CNBD1: variants seen among roughly 807,000 people sequenced by gnomAD.
CNBD1 encodes cyclic nucleotide-binding domain-containing protein 1.
A neutral mutation model predicts 54.4 loss-of-function variants in CNBD1; 71 were observed. The ratio of observed to expected loss-of-function variants is 1.30; its 90% confidence interval spans 1.08 to 1.59. The LOEUF (loss-of-function observed/expected upper bound fraction) is 1.59. Ranked by LOEUF, CNBD1 falls within the 40% of genes most tolerant of loss-of-function variation. The pLI is 0.00. For missense variants in CNBD1, 659 were observed against 518.0 expected (o/e 1.27, Z -2.64); for synonymous variants, 182 against 170.7 (o/e 1.07, Z -0.51).
intron 4 of CNBD1, among the ~76,000 whole-genome samples, chr8:87,032,294 A>G (rs898087612): frequency 3.9e-5 from 6 of 152,164 alleles, no homozygotes; most frequent in Non-Finnish European, 8.8e-5. Context: ...ACTCCCCTCA[A>G]ACTTAATTAC....
chr8:87,254,799 A>G (rs1388743397), intron 6 of CNBD1, among the ~76,000 whole-genome samples: 1 of 152,138 alleles, frequency 6.6e-6, no homozygotes, highest in Non-Finnish European at 1.5e-5. Context: ...CACTCCTTTT[A>G]TTTAGCGTTA....
chr8:87,002,335 G>A (rs1809009942), intron 4 of CNBD1, among the ~76,000 whole-genome samples: 1 of 152,122 alleles, frequency 6.6e-6, no homozygotes, highest in African/African-American at 2.4e-5. Flanking sequence ...TCGCATAGTG[G>A]CCAGGGTGGT....
At chr8:86,995,249 G>A (rs1586187030) in intron 4 of CNBD1, among the ~76,000 whole-genome samples, 1 of 152,204 alleles carries the variant, frequency 6.6e-6, no homozygotes, top group South Asian at 2.1e-4. Context: ...AGAATGGGAA[G>A]TTCTACAGTG....
intron 2 of CNBD1, among the ~76,000 whole-genome samples, chr8:87,423,801 A>G (rs1168976017): frequency 1.3e-5 from 2 of 152,106 alleles, no homozygotes; most frequent in African/African-American, 4.8e-5. Flanking sequence ...AAAATGAGTT[A>G]GGGAGGATTC....
intron 8 of CNBD1, among the ~76,000 whole-genome samples, chr8:87,342,746 G>C (rs111364310): frequency 6.6e-6 from 1 of 152,094 alleles, no homozygotes. Context: ...GGGGGCACAC[G>C]AACAGGGAGT....
chr8:87,357,341 C>T (rs1285703289), intron 10 of CNBD1, among the ~76,000 whole-genome samples: 1 of 152,244 alleles, frequency 6.6e-6, no homozygotes, highest in African/African-American at 2.4e-5. Flanking sequence ...AAGCTACAGG[C>T]GTTTAACTCC....
At chr8:86,941,581 T>C (rs1046460753) in intron 4 of CNBD1, among the ~76,000 whole-genome samples, 7 of 152,160 alleles carry the variant, frequency 4.6e-5, no homozygotes, top group Non-Finnish European at 8.8e-5. Flanking sequence ...ATCTGAGATG[T>C]GGGAGGTCAG....
rs576593785 is a variant in CNBD1 at position 87,379,376 on chromosome 8, C to T, written c.1304-3244C>T. On this transcript the variant is annotated intron_variant, in intron 10 of 10. Coordinates refer to ENST00000518476, the MANE Select transcript of CNBD1 (RefSeq NM_173538.3). ...GAATTGAACTCAGCTCTGCACCAAG[C>T]GGACCTAGTAGACATCTACAGAACT... is the stretch of plus-strand genomic sequence containing the variant. Among the ~76,000 whole-genome samples the T allele has an allele frequency of 3.0e-4, 45 of 151,892 alleles. No individual in the cohort carries two copies. The South Asian group carries it at 6.8e-3, about 23-fold the overall frequency.
chr8:86,915,639 A>G (rs371415264), intron 3 of CNBD1, among the ~76,000 whole-genome samples: 1 of 152,200 alleles, frequency 6.6e-6, no homozygotes, highest in South Asian at 2.1e-4. Flanking sequence ...AATTTTTGCA[A>G]TGGTGGTTTC....
intron 8 of CNBD1, among the ~76,000 whole-genome samples, chr8:87,347,190 G>T (rs965991516): frequency 6.6e-6 from 1 of 152,078 alleles, no homozygotes; most frequent in African/African-American, 2.4e-5. Context: ...AAATTCTGTT[G>T]CTGTTCTGCC....
chr8:87,308,223 T>C (rs1809196853), intron 8 of CNBD1, among the ~76,000 whole-genome samples: 1 of 152,186 alleles, frequency 6.6e-6, no homozygotes, highest in African/African-American at 2.4e-5. Context: ...GTTCAGTTAT[T>C]GCTTGGTAAC....
intron 8 of CNBD1, among the ~76,000 whole-genome samples, chr8:87,320,936 C>A (rs186003515): frequency 6.6e-6 from 1 of 152,222 alleles, no homozygotes; most frequent in Non-Finnish European, 1.5e-5. Flanking sequence ...ATTTTAGACA[C>A]CTCATATTAG....
At chr8:87,033,975 A>G (rs867344274) in intron 4 of CNBD1, among the ~76,000 whole-genome samples, 2 of 152,118 alleles carry the variant, frequency 1.3e-5, no homozygotes, top group Admixed American at 1.3e-4. Flanking sequence ...TGCTTTTCTT[A>G]TGGCTGTCCT....
At position 87,325,102 on chromosome 8, in the gene CNBD1, G is replaced by T. The variant is rs1172410143; in HGVS notation, c.1043-26583G>T. Among the ~76,000 whole-genome samples, 11 of 97,154 alleles carry T rather than the reference G, an allele frequency of 1.1e-4. 3 individuals carry two copies. The highest frequency in any genetic ancestry group is 8.1e-4 in the Admixed American group (9 of 11,118). 63.7% of individuals were successfully genotyped at this position (97,154 alleles called of 152,430 possible). A position where few individuals can be genotyped will look rare whatever the true frequency, so the allele number is the denominator to read the frequency against. ...GAGCAGGTTGTTCAGTTTCCATGTA[G>T]TTGGGCGGCTTTGAGTGAGATTCTT... On this transcript the variant is annotated intron_variant, in intron 8 of 10. Transcript: ENST00000518476.
chr8:86,991,959 T>C (rs1808759257), intron 4 of CNBD1, among the ~76,000 whole-genome samples: 1 of 152,194 alleles, frequency 6.6e-6, no homozygotes, highest in South Asian at 2.1e-4. Flanking sequence ...ATGTGTTCTG[T>C]GTGCAGATGA....
intron 4 of CNBD1, among the ~76,000 whole-genome samples, chr8:87,077,489 C>G (rs1810898309): frequency 6.7e-6 from 1 of 149,076 alleles, no homozygotes; most frequent in South Asian, 2.1e-4. Context: ...TATACATGTA[C>G]CATGTTGGTT....
At chr8:86,879,743 G>A (rs1808575945) in intron 1 of CNBD1, among the ~76,000 whole-genome samples, 2 of 152,064 alleles carry the variant, frequency 1.3e-5, no homozygotes, top group African/African-American at 4.8e-5. Context: ...ATGGTGGCGG[G>A]CGCCTGTAGT....
intron 6 of CNBD1, among the ~76,000 whole-genome samples, chr8:87,276,266 T>C (rs1428939306): frequency 6.6e-6 from 1 of 151,878 alleles, no homozygotes; most frequent in Admixed American, 6.6e-5. Flanking sequence ...TTTATTAAGA[T>C]GCTGTCATCT....
intron 5 of CNBD1, among the ~76,000 whole-genome samples, chr8:87,220,310 A>G (rs551283522): frequency 6.6e-5 from 10 of 151,266 alleles, no homozygotes; most frequent in Non-Finnish European, 1.0e-4. Context: ...TGCCTTACCA[A>G]TAGTCCTCTG....
Sources: allele counts gnomAD v4.1 joint callset (sites outside exome capture counted in the v4.1 genomes callset), GRCh38; gene constraint gnomAD v4.1.1; transcripts MANE v1.5; gene names NCBI Gene and HGNC (gene_info 2026-07-23, HGNC 2026-07-21).